Variants in PRDM13 observed in about 807,000 individuals in gnomAD.
PRDM13 encodes the protein PR/SET domain 13.
Under a neutral mutation model 36.4 loss-of-function variants are expected in PRDM13, and 15 were observed. That is an observed-to-expected ratio of 0.41 (90% CI 0.28 to 0.64). PRDM13 has a LOEUF of 0.64. PRDM13 is among the 30% of genes least tolerant of loss of function. PRDM13 has a pLI of 0.29. For synonymous variants in PRDM13, 531 were observed against 467.7 expected (o/e 1.14, Z -1.75); for missense variants, 1,044 against 1,013.5 (o/e 1.03, Z -0.41).
In PRDM13 at chr6:99,608,844, A is replaced by G; in HGVS notation, c.248A>G (p.Glu83Gly). 1 of 1,613,812 alleles carries G rather than the reference A, an allele frequency of 6.2e-7. No homozygotes were observed. Residue 83 changes from glutamate to glycine, a missense_variant, in exon 2 of 4, where the codon GAA becomes GGA. By Grantham distance (98) the Glu-to-Gly change is moderately conservative. Transcript: ENST00000369215. The part of the protein sequence containing the change: ...AARNSQEQTL[E>G]AIADLPGGQI... ...AGAAACTCCCAGGAACAGACTCTGG[A>G]AGCTATTGCAGACTTACCCGGAGGA...
At chr6:99,611,255 C>T (rs1450823118) in intron 3 of PRDM13, among the ~76,000 whole-genome samples, 1 of 151,758 alleles carries the variant, frequency 6.6e-6, no homozygotes, top group Non-Finnish European at 1.5e-5. Context: ...AAAATACTGC[C>T]CCCTCATTTT....
chr6:99,614,324 C>T lies in PRDM13; in HGVS notation c.1689C>T (p.Gly563=). Residue 563 remains glycine, a synonymous_variant, in exon 4 of 4, where the codon GGC becomes GGT. Transcript: ENST00000369215. ...GCACCGGGGGCGGCGGCAGCGGAGG[C>T]AGCGGCGCAGGTAAGCCCAAGACCG... ...AGGTGGGGSG[G]SGAGKPKTGH... 1.2e-6 allele frequency: 2 copies of T among 1,605,970 alleles called. No individual in the cohort carries two copies. The highest frequency in any genetic ancestry group is 1.7e-6 in the Non-Finnish European group (2 of 1,176,522).
At chr6:99,608,497 TC>T (rs919590953) in intron 1 of PRDM13, among the ~76,000 whole-genome samples, 1 of 151,900 alleles carries the variant, frequency 6.6e-6, no homozygotes, top group Admixed American at 6.6e-5. Flanking sequence ...CCCTCTCCCC[TC>T]CCCGTGTCGT....
chr6:99,611,288 T>G (rs550709679), intron 3 of PRDM13, among the ~76,000 whole-genome samples: 1 of 152,236 alleles, frequency 6.6e-6, no homozygotes, highest in South Asian at 2.1e-4. Context: ...TATGTGGCTT[T>G]GCATTGAGCT....
chr6:99,614,824 A>G lies in PRDM13; in HGVS notation c.*65A>G. The G allele has an allele frequency of 6.6e-7, 1 of 1,508,628 alleles. No individual in the cohort carries two copies. The highest frequency in any genetic ancestry group is 1.4e-5 in the African/African-American group (1 of 71,634). 93.5% of individuals were successfully genotyped at this position (1,508,628 alleles called of 1,614,324 possible). On this transcript the variant is annotated 3_prime_UTR_variant, in exon 4 of 4. Coordinates refer to ENST00000369215, the MANE Select transcript of PRDM13 (RefSeq NM_021620.4). ...AGTCGAGGGTTTATTCTCGCAGTAG[A>G]GGAACTCCTGGTGGTGGGAAGAGGG...
At position 99,613,127 on chromosome 6, in the gene PRDM13, C is replaced by T. The variant is rs780474604; in HGVS notation, c.492C>T (p.Gly164=). The T allele has an allele frequency of 2.0e-5, 32 of 1,613,220 alleles. No individual in the cohort carries two copies. The highest frequency in any genetic ancestry group is 2.1e-5 in the Non-Finnish European group (25 of 1,180,018). Residue 164 remains glycine (G), a synonymous_variant, in exon 4 of 4, where the codon GGC becomes GGT. Coordinates refer to ENST00000369215, the MANE Select transcript of PRDM13 (RefSeq NM_021620.4). The surrounding 1 kb of genome is among the most constrained non-coding windows in gnomAD (Gnocchi z 6.1). ...AHLRFHCVFS[G]GGGGAFLHHE... The stretch of plus-strand genomic sequence containing the variant: ...TGCGTTTCCACTGCGTGTTCAGCGG[C>T]GGTGGAGGCGGCGCCTTCCTGCACC...
chr6:99,614,215 A>G lies in PRDM13; in HGVS notation c.1580A>G (p.Gln527Arg), dbSNP rs1583616987. ...GACCGAGAGATCGCCATGCACAATCAGCAGCTGTCCGAGATGGCTGCCGGG... is the reference window on the plus strand; with the variant it reads ...GACCGAGAGATCGCCATGCACAATCGGCAGCTGTCCGAGATGGCTGCCGGG... Reference protein sequence around the residue: ...SIDREIAMHNQQLSEMAAGKG... With the variant: ...SIDREIAMHNRQLSEMAAGKG... The change falls in exon 4 of 4, where the codon CAG becomes CGG. Residue 527 changes from glutamine to arginine, a missense_variant. Around this residue, in one of 3 missense-constraint regions of PRDM13, gnomAD observed 921 missense variants for 865.2 expected, o/e 1.06. Coordinates refer to ENST00000369215, the MANE Select transcript of PRDM13 (RefSeq NM_021620.4). 5 of 1,608,728 alleles carry G rather than the reference A, an allele frequency of 3.1e-6. No individual in the cohort carries two copies. The highest frequency in any genetic ancestry group is 4.2e-6 in the Non-Finnish European group (5 of 1,179,040).
chr6:99,606,870 C>CG lies in PRDM13; in HGVS notation c.-164dup, dbSNP rs1769951873. 1.1e-6 allele frequency: 1 copy of CG among 937,134 alleles called. No homozygotes were observed. Among genetic ancestry groups the CG allele is most frequent in the Non-Finnish European group, 1.5e-6 (1 of 659,608 alleles). The allele number at this position is 937,134 out of a possible 1,614,324, so 58.1% of individuals were successfully genotyped here. On this transcript the variant is annotated 5_prime_UTR_variant, in exon 1 of 4. Coordinates refer to ENST00000369215, the MANE Select transcript of PRDM13 (RefSeq NM_021620.4). ...TGCGCTAGCGGTGCCAAAAGGCTCC[C>CG]GCCCCGATTGAAAAGGCGCAGTGCA...
rs1254388776 is a variant in PRDM13, at chr6:99,613,563, G to C, written c.928G>C (p.Asp310His). Residue 310 changes from aspartate (D) to histidine (H), a missense_variant, in exon 4 of 4, where the codon GAC becomes CAC. This residue lies in a region of PRDM13 where 921 missense variants were observed against 865.2 expected (regional missense o/e 1.06). Coordinates refer to ENST00000369215, the MANE Select transcript of PRDM13 (RefSeq NM_021620.4). The surrounding 1 kb of genome is among the most constrained non-coding windows in gnomAD (Gnocchi z 6.1). ...GAGGGCGGCGGCGGCCGCTCACGGC[G>C]ACCCCTACCGGGAGGAGAGCAGCAG... The part of the protein sequence containing the change: ...LARAAAAAHG[D>H]PYREESSSKQ... The C allele has an allele frequency of 2.0e-6, 3 of 1,504,688 alleles. No homozygotes were observed. Among genetic ancestry groups the C allele is most frequent in the Admixed American group, 2.2e-5 (1 of 45,868 alleles). The allele number at this position is 1,504,688 out of a possible 1,614,324, so 93.2% of individuals were successfully genotyped here. A position where few individuals can be genotyped will look rare whatever the true frequency, so the allele number is the denominator to read the frequency against.
intron 2 of PRDM13, 32 bp from the exon 3 acceptor site, chr6:99,609,155 G>A: frequency 6.2e-7 from 1 of 1,610,406 alleles, no homozygotes; most frequent in Non-Finnish European, 8.5e-7. Context: ...CCCAGGAAAT[G>A]ACATTGAACT....
intron 1 of PRDM13, 130 bp from the exon 2 acceptor site, chr6:99,608,611 G>T (rs1206152593): frequency 3.3e-6 from 4 of 1,227,644 alleles, no homozygotes; most frequent in Non-Finnish European, 4.4e-6. Flanking sequence ...CCTCCCAGTA[G>T]CCCATAGTGG....
intron 3 of PRDM13, among the ~76,000 whole-genome samples, chr6:99,611,120 A>G (rs1770024979): frequency 6.6e-6 from 1 of 152,170 alleles, no homozygotes; most frequent in African/African-American, 2.4e-5. Context: ...GGATAACTGA[A>G]AAAAAGTATA....
rs1770061699 is a variant in PRDM13, at chr6:99,613,355, G to C, written c.720G>C (p.Pro240=). 4 of 1,548,576 alleles carry C rather than the reference G, an allele frequency of 2.6e-6. No homozygotes were observed. The highest frequency in any genetic ancestry group is 3.5e-6 in the Non-Finnish European group (4 of 1,153,110). ...EASSAPSATS[P]TPGKWGQPKK... ...CTTCCGCGCCCTCGGCCACCTCGCC[G>C]ACCCCAGGCAAGTGGGGGCAGCCCA... Residue 240 remains proline, a synonymous_variant, in exon 4 of 4, where the codon CCG becomes CCC. Coordinates refer to ENST00000369215, the MANE Select transcript of PRDM13 (RefSeq NM_021620.4). The surrounding 1 kb of genome is among the most constrained non-coding windows in gnomAD (Gnocchi z 6.1).
In PRDM13 at chr6:99,614,756, G is replaced by A. The variant is rs1402387183; in HGVS notation, c.2121G>A (p.Leu707=). Residue 707 remains leucine, a synonymous_variant, in exon 4 of 4, where the codon TTG becomes TTA. Transcript: ENST00000369215. ...PEVGGGGERD[L] is the part of the protein sequence containing the mutation. ...TTGGGGGCGGCGGGGAGCGCGACTT[G>A]TAACGAGTCTTCCCGGGAAGGGGCG... The A allele has an allele frequency of 1.5e-5, 23 of 1,565,898 alleles. No individual in the cohort carries two copies. The highest frequency in any genetic ancestry group is 1.9e-5 in the Non-Finnish European group (22 of 1,157,246).
chr6:99,614,244 G>C lies in PRDM13; in HGVS notation c.1609G>C (p.Gly537Arg). The change falls in exon 4 of 4, where the codon GGT becomes CGT. Residue 537 changes from glycine to arginine, a missense_variant. By Grantham distance (125) the Gly-to-Arg change is moderately radical. This residue lies in a region of PRDM13 where 921 missense variants were observed against 865.2 expected (regional missense o/e 1.06). Transcript: ENST00000369215. Reference sequence around the variant, plus strand: ...GCTGTCCGAGATGGCTGCCGGGAAGGGTCGCGGACGCCTGGACTCGGGGAC... The same window carrying C: ...GCTGTCCGAGATGGCTGCCGGGAAGCGTCGCGGACGCCTGGACTCGGGGAC... ...QQLSEMAAGK[G>R]RGRLDSGTLP... 6.2e-7 allele frequency: 1 copy of C among 1,609,288 alleles called. No individual in the cohort carries two copies. The highest frequency in any genetic ancestry group is 1.1e-5 in the South Asian group (1 of 90,854).
chr6:99,609,563 A>G (rs1472640211), intron 3 of PRDM13, among the ~76,000 whole-genome samples: 2 of 152,182 alleles, frequency 1.3e-5, no homozygotes, highest in African/African-American at 4.8e-5. Flanking sequence ...TTTCTGTTGC[A>G]TATTCAAACA....
intron 1 of PRDM13, among the ~76,000 whole-genome samples, chr6:99,607,433 CG>C (rs1769964060): frequency 6.6e-6 from 1 of 152,012 alleles, no homozygotes; most frequent in African/African-American, 2.4e-5. Flanking sequence ...CTGTAGGTGC[CG>C]GGACCATTCG....
chr6:99,611,157 G>A (rs1770025735), intron 3 of PRDM13, among the ~76,000 whole-genome samples: 1 of 152,088 alleles, frequency 6.6e-6, no homozygotes, highest in Admixed American at 6.6e-5. Flanking sequence ...CTTAAAGCTT[G>A]GAAAGAGGAA....
At chr6:99,610,861 C>A (rs1463042468) in intron 3 of PRDM13, among the ~76,000 whole-genome samples, 1 of 152,154 alleles carries the variant, frequency 6.6e-6, no homozygotes, top group Non-Finnish European at 1.5e-5. Context: ...ACTGGAATAG[C>A]GGTCCTTGTG....
Sources: allele counts gnomAD v4.1 joint callset (sites outside exome capture counted in the v4.1 genomes callset), GRCh38; gene constraint gnomAD v4.1.1; regional missense constraint gnomAD v4.1.1; non-coding constraint Gnocchi (gnomAD v3.1); transcripts MANE v1.5; gene names NCBI Gene and HGNC (gene_info 2026-07-23, HGNC 2026-07-21).